TBX5: variants seen among roughly 807,000 people sequenced by gnomAD.
TBX5 encodes T-box transcription factor TBX5.
TBX5 carries 8 observed loss-of-function variants against 51.1 expected under a neutral mutation model. That is an observed-to-expected ratio of 0.16 (90% confidence interval 0.09 to 0.28). The LOEUF (loss-of-function observed/expected upper bound fraction) is 0.28, where lower values mean the gene tolerates loss of function less well. Among genes scored for constraint, TBX5 ranks in the 10% least tolerant of loss-of-function variants. The pLI is 1.00. For missense variants in TBX5, 589 were observed against 671.7 expected (o/e 0.88, Z 1.36); for synonymous variants, 302 against 266.4 (o/e 1.13, Z -1.30).
chr12:114,388,273 T>C (rs1870935265), intron 6 of TBX5, among the ~76,000 whole-genome samples: 1 of 152,182 alleles, frequency 6.6e-6, no homozygotes, highest in Non-Finnish European at 1.5e-5. Context: ...TTCTCGTGTC[T>C]CAGCCTCCCA....
chr12:114,394,930 C>T (rs1256389600), intron 5 of TBX5, 37 bp from the exon 6 acceptor site: 1 of 1,605,080 alleles, frequency 6.2e-7, no homozygotes, highest in Non-Finnish European at 8.5e-7. Flanking sequence ...GTAAGAAAAT[C>T]AAAACTCCCT....
chr12:114,360,838 C>T (rs973923571), intron 8 of TBX5, among the ~76,000 whole-genome samples: 2 of 151,962 alleles, frequency 1.3e-5, no homozygotes, highest in African/African-American at 4.8e-5. Flanking sequence ...TTTTTGGTGT[C>T]CCCATGCTCT....
At chr12:114,403,684 G>A in intron 2 of TBX5, 68 bp downstream of exon 2, 1 of 1,583,488 alleles carries the variant, frequency 6.3e-7, no homozygotes, top group East Asian at 2.2e-5. Flanking sequence ...CGCAAGAGAA[G>A]CCGAGCAGGA....
rs148195311 is a variant in TBX5, at chr12:114,403,826, C to A, written c.73G>T (p.Asp25Tyr). 1.3e-5 allele frequency: 21 copies of A among 1,614,110 alleles called. No homozygotes were observed. Among genetic ancestry groups the A allele is most frequent in the Middle Eastern group, 1.7e-4 (1 of 6,060 alleles). Residue 25 changes from aspartate to tyrosine, a missense_variant, in exon 2 of 9, where the codon GAT becomes TAT. By Grantham distance (160) the Asp-to-Tyr change is radical. Coordinates refer to ENST00000405440, the MANE Select transcript of TBX5 (RefSeq NM_181486.4). ...LEPDAKDLPC[D>Y]SKPESALGAP... Reference sequence around the variant, plus strand: ...CCGAGCGCGCTCTCGGGTTTCGAATCGCAGGGCAGGTCTTTTGCGTCAGGC... The same window carrying A: ...CCGAGCGCGCTCTCGGGTTTCGAATAGCAGGGCAGGTCTTTTGCGTCAGGC...
chr12:114,407,247 C>T (rs1872287476), upstream of TBX5: 2 of 275,322 alleles, frequency 7.3e-6, no homozygotes, highest in Admixed American at 6.5e-5. Flanking sequence ...GTGCTCACTC[C>T]ACCTTCCAGG....
chr12:114,369,005 AAAAAAAAG>A (rs1227316038), intron 7 of TBX5, among the ~76,000 whole-genome samples: 2 of 152,196 alleles, frequency 1.3e-5, no homozygotes, highest in Admixed American at 6.5e-5. Context: ...CGTAATGGAA[AAAAAAAAG>A]AAAAAAAGAA....
chr12:114,404,129 GTATTAC>G (rs969697717), intron 1 of TBX5, among the ~76,000 whole-genome samples, 193 bp from the exon 2 acceptor site: 2 of 152,188 alleles, frequency 1.3e-5, no homozygotes, highest in African/African-American at 4.8e-5. Context: ...ATTCCTAGTA[GTATTAC>G]TATTACTTTA....
intron 1 of TBX5, 82 bp from the exon 2 acceptor site, chr12:114,404,018 G>T: frequency 6.8e-7 from 1 of 1,463,250 alleles, no homozygotes; most frequent in Non-Finnish European, 9.2e-7. Context: ...CAATTCTAGT[G>T]ACAGGAGGGA....
At chr12:114,382,704 G>A (rs1870570591) in intron 7 of TBX5, among the ~76,000 whole-genome samples, 1 of 152,080 alleles carries the variant, frequency 6.6e-6, no homozygotes, top group Admixed American at 6.5e-5. Context: ...GGCTGAGGGA[G>A]GAGACTCTCT....
intron 7 of TBX5, 116 bp downstream of exon 7, chr12:114,385,360 C>A: frequency 1.1e-6 from 1 of 870,628 alleles, no homozygotes; most frequent in Non-Finnish European, 1.9e-6. Context: ...TTTCCATGTG[C>A]CTGGCATTCT....
At chr12:114,390,777 C>T (rs765028791) in intron 6 of TBX5, among the ~76,000 whole-genome samples, 13 of 152,214 alleles carry the variant, frequency 8.5e-5, no homozygotes, top group Admixed American at 3.3e-4. Context: ...GAAATGCCCA[C>T]GTGACCTTTT....
At chr12:114,389,972 AAAG>A (rs1191493612) in intron 6 of TBX5, among the ~76,000 whole-genome samples, 11 of 151,674 alleles carry the variant, frequency 7.3e-5, no homozygotes, top group Admixed American at 7.2e-4. Flanking sequence ...TGCCCCAAGG[AAAG>A]AAGAAAAGGG....
intron 2 of TBX5, among the ~76,000 whole-genome samples, chr12:114,402,330 G>T (rs4533090): frequency 0.035 from 5,253 of 148,428 alleles, 295 homozygotes; most frequent in African/African-American, 0.12. Context: ...TGAGATGGGT[G>T]GGGGGGATAG....
chr12:114,405,560 G>A (rs1026322963), intron 1 of TBX5, 68 bp downstream of exon 1: 2 of 311,274 alleles, frequency 6.4e-6, no homozygotes, highest in Non-Finnish European at 9.4e-6. Context: ...CGCCATTCCC[G>A]CCGCCCCAGC....
intron 7 of TBX5, among the ~76,000 whole-genome samples, chr12:114,370,407 C>G (rs146980792): frequency 6.6e-6 from 1 of 152,274 alleles, no homozygotes; most frequent in African/African-American, 2.4e-5. Flanking sequence ...GACCACACAG[C>G]TAAGAGGCAA....
chr12:114,389,785 A>C (rs973824451), intron 6 of TBX5, among the ~76,000 whole-genome samples: 2 of 126,542 alleles, frequency 1.6e-5, no homozygotes, highest in Non-Finnish European at 3.4e-5. Context: ...AAAAAAAAAA[A>C]AAAAGTGGAT....
chr12:114,400,094 G>A (rs1053271915), intron 3 of TBX5, among the ~76,000 whole-genome samples: 8 of 152,204 alleles, frequency 5.3e-5, no homozygotes, highest in African/African-American at 1.9e-4. Context: ...TGTACACAAG[G>A]TGTGTGCGCC....
In TBX5 at chr12:114,394,513, T is replaced by G. The variant is rs542063848; in HGVS notation, c.663+228A>C. On this transcript the variant is annotated intron_variant, in intron 6 of 8. Transcript: ENST00000405440. ...ATGGTTTGACAAGTTTGTTTCTAAC[T>G]GGTGTGGGTGCATATGTGTGGTGGT... Among the ~76,000 whole-genome samples the G allele has an allele frequency of 3.3e-5, 5 of 152,272 alleles. No homozygotes were observed. The East Asian group carries it at 9.7e-4, about 29-fold the overall frequency.
Position 114,398,669 on chromosome 12 carries a change from G to A in TBX5, c.414C>T (p.His138=). The change falls in exon 5 of 9, where the codon CAC becomes CAT. Residue 138 remains histidine, a synonymous_variant. Transcript: ENST00000405440. The part of the protein sequence containing the change: ...EPAMPGRLYV[H]PDSPATGAHW... ...GCGCCCCGGTGGCGGGGGAGTCTGG[G>A]TGCACGTACAGGCGGCCAGGCATGG... 1 of 1,613,048 alleles carries A rather than the reference G, an allele frequency of 6.2e-7. No homozygotes were observed. The highest frequency in any genetic ancestry group is 8.5e-7 in the Non-Finnish European group (1 of 1,179,670).
Sources: gnomAD v4.1 joint callset for allele counts (sites outside exome capture counted in the v4.1 genomes callset) on GRCh38, gnomAD v4.1.1 for gene constraint, MANE v1.5 for transcripts, NCBI Gene and HGNC (gene_info 2026-07-23, HGNC 2026-07-21) for gene names.